Variants in MCTP1 observed in about 807,000 individuals in gnomAD.
The protein encoded by MCTP1 is multiple C2 and transmembrane domain-containing protein 1.
In MCTP1, 69 loss-of-function variants were observed where a neutral mutation model predicts 120.6. The ratio of observed to expected loss-of-function variants is 0.57; its 90% CI spans 0.47 to 0.70. The LOEUF is 0.70. MCTP1 is among the 30% of genes least tolerant of loss of function. MCTP1 has a pLI of 0.00. For missense variants in MCTP1, 1,203 were observed against 1,248.8 expected, an observed-to-expected ratio of 0.96 and a Z score of 0.55; for synonymous variants, 529 against 493.1, an observed-to-expected ratio of 1.07 and a Z score of -0.96.
At chr5:94,874,474 ATG>A (rs1333499318) in intron 12 of MCTP1, among the ~76,000 whole-genome samples, 1 of 152,108 alleles carries the variant, frequency 6.6e-6, no homozygotes, top group Non-Finnish European at 1.5e-5. Context: ...GAGATTTAAT[ATG>A]TGTGTGTTAG....
rs1025362024 is a variant in MCTP1 at position 94,988,252 on chromosome 5, T to A, written c.838+29115A>T. ...AAGCACTTAGGGTTTATATTAATAT[T>A]TATTCTTTAGGAAGAGAGATGTCTT... is the stretch of plus-strand genomic sequence containing the variant. On this transcript the variant is annotated intron_variant, in intron 2 of 22. Coordinates refer to ENST00000515393, the MANE Select transcript of MCTP1 (RefSeq NM_024717.7). 3.3e-5 allele frequency among the ~76,000 whole-genome samples: 5 copies of A among 152,206 alleles called. No individual in the cohort carries two copies. In the South Asian group the frequency reaches 8.3e-4, roughly 25 times the overall value.
chr5:94,801,183 A>T (rs542466898), intron 17 of MCTP1, among the ~76,000 whole-genome samples: 68 of 152,314 alleles, frequency 4.5e-4, no homozygotes, highest in Non-Finnish European at 8.5e-4. Context: ...CTTTAAAGGT[A>T]GACTTTTTGT....
intron 2 of MCTP1, among the ~76,000 whole-genome samples, chr5:95,013,839 C>T (rs928728953): frequency 6.6e-6 from 1 of 152,106 alleles, no homozygotes; most frequent in African/African-American, 2.4e-5. Flanking sequence ...GTAATTTCTA[C>T]TTTCAAGGCT....
At chr5:94,963,643 T>C (rs1308838443) in intron 2 of MCTP1, among the ~76,000 whole-genome samples, 1 of 152,122 alleles carries the variant, frequency 6.6e-6, no homozygotes. Flanking sequence ...TTTGCCATTT[T>C]GTTTTGGTAA....
At chr5:94,990,614 A>G (rs1343561882) in intron 2 of MCTP1, among the ~76,000 whole-genome samples, 1 of 152,236 alleles carries the variant, frequency 6.6e-6, no homozygotes, top group African/African-American at 2.4e-5. Flanking sequence ...GATTAACTCA[A>G]AATTGATTAA....
chr5:94,730,003 C>G (rs1762839516), intron 19 of MCTP1, among the ~76,000 whole-genome samples: 1 of 152,152 alleles, frequency 6.6e-6, no homozygotes, highest in Admixed American at 6.5e-5. Context: ...GAGGCTACTA[C>G]AGTAGCCCAC....
At chr5:94,719,210 G>A (rs1356548990) in intron 19 of MCTP1, among the ~76,000 whole-genome samples, 3 of 152,210 alleles carry the variant, frequency 2.0e-5, no homozygotes, top group African/African-American at 7.2e-5. Flanking sequence ...CACTGTTGGT[G>A]GGACTGTAAA....
chr5:94,776,320 C>G (rs1775314113), intron 19 of MCTP1, among the ~76,000 whole-genome samples: 1 of 152,110 alleles, frequency 6.6e-6, no homozygotes, highest in Non-Finnish European at 1.5e-5. Context: ...AAGAAAGACA[C>G]TTTTCATAAT....
At chr5:95,053,476 T>C (rs1746540900) in intron 1 of MCTP1, among the ~76,000 whole-genome samples, 1 of 152,198 alleles carries the variant, frequency 6.6e-6, no homozygotes, top group Non-Finnish European at 1.5e-5. Context: ...TCAAGCTTAA[T>C]ACGCACAGGA....
intron 5 of MCTP1, 47 bp from the exon 6 acceptor site, chr5:94,932,038 GA>G (rs1206213464): frequency 7.6e-7 from 1 of 1,319,656 alleles, no homozygotes; most frequent in Admixed American, 1.8e-5. Flanking sequence ...CTCAAGAACA[GA>G]ATAGGGCAGC....
chr5:95,273,310 C>T (rs556157337), intron 1 of MCTP1, among the ~76,000 whole-genome samples: 6 of 152,280 alleles, frequency 3.9e-5, no homozygotes, highest in African/African-American at 1.4e-4. Flanking sequence ...GAGAGAATAT[C>T]TATTGGCAGT....
chr5:94,722,907 CTAG>C (rs1400284970), intron 19 of MCTP1, among the ~76,000 whole-genome samples: 2 of 152,142 alleles, frequency 1.3e-5, no homozygotes, highest in African/African-American at 4.8e-5. Context: ...ACTACTTTCT[CTAG>C]TTCACTTAGT....
chr5:94,826,027 G>A (rs1180752477), intron 17 of MCTP1: 1 of 319,866 alleles, frequency 3.1e-6, no homozygotes, highest in Admixed American at 3.4e-5. Flanking sequence ...CAAAATGGGT[G>A]CTCTGTTTCT....
chr5:95,022,253 A>G (rs983410298), intron 1 of MCTP1, among the ~76,000 whole-genome samples: 2 of 152,218 alleles, frequency 1.3e-5, no homozygotes, highest in Non-Finnish European at 2.9e-5. Flanking sequence ...GCACCAACCT[A>G]ACTGAAGCCT....
chr5:95,012,371 T>C (rs1836178537), intron 2 of MCTP1, among the ~76,000 whole-genome samples: 1 of 152,138 alleles, frequency 6.6e-6, no homozygotes, highest in Admixed American at 6.6e-5. Flanking sequence ...TGGCCTGGAG[T>C]ACATACATTT....
intron 17 of MCTP1, among the ~76,000 whole-genome samples, chr5:94,812,648 T>C (rs1177770016): frequency 6.6e-6 from 1 of 151,792 alleles, no homozygotes; most frequent in Non-Finnish European, 1.5e-5. Context: ...CCTGTAGTCT[T>C]AGCTACTTAG....
chr5:95,176,829 A>T (rs994231923), intron 1 of MCTP1, among the ~76,000 whole-genome samples: 4 of 152,078 alleles, frequency 2.6e-5, no homozygotes, highest in African/African-American at 4.8e-5. Flanking sequence ...ACAGAGTGAG[A>T]CACTGTCTCA....
chr5:95,084,201 T>C (rs1227563566), intron 1 of MCTP1, among the ~76,000 whole-genome samples: 1 of 152,254 alleles, frequency 6.6e-6, no homozygotes, highest in South Asian at 2.1e-4. Flanking sequence ...AATGAATTAA[T>C]GTATTCTTTA....
At chr5:94,899,257 T>C (rs1581245745) in intron 10 of MCTP1, among the ~76,000 whole-genome samples, 1 of 152,228 alleles carries the variant, frequency 6.6e-6, no homozygotes, top group Admixed American at 6.5e-5. Flanking sequence ...ACACAGCTTA[T>C]ATAGCTCCCT....
Sources: allele counts gnomAD v4.1 joint callset (sites outside exome capture counted in the v4.1 genomes callset), GRCh38; gene constraint gnomAD v4.1.1; transcripts MANE v1.5; gene names NCBI Gene and HGNC (gene_info 2026-07-23, HGNC 2026-07-21).